The following THSD7A variants were observed in gnomAD, a reference collection of about 807,000 sequenced individuals.
The protein encoded by THSD7A is thrombospondin type 1 domain containing 7A.
In THSD7A, 96 loss-of-function variants were observed where a neutral mutation model predicts 231.3. That is an observed-to-expected ratio of 0.41 (90% CI 0.35 to 0.49). The LOEUF (loss-of-function observed/expected upper bound fraction) is 0.49, where lower values mean the gene tolerates loss of function less well. Ranked by LOEUF, THSD7A falls within the 20% of genes least tolerant of loss-of-function variation. The probability of loss-of-function intolerance (pLI) is 0.05; values close to 1 mark genes in which losing one functional copy is unlikely to be tolerated. For missense variants in THSD7A, 2,290 were observed against 2,070.2 expected, an observed-to-expected ratio of 1.11 and a Z score of -2.06; for synonymous variants, 940 against 743.3, an observed-to-expected ratio of 1.26 and a Z score of -4.30.
intron 13 of THSD7A, among the ~76,000 whole-genome samples, chr7:11,436,129 T>A (rs1374517610): frequency 3.9e-5 from 6 of 152,068 alleles, no homozygotes; most frequent in African/African-American, 1.4e-4. Flanking sequence ...TTAACTAACA[T>A]GATGTTGAAA....
chr7:11,604,457 G>C (rs923913344), intron 2 of THSD7A, among the ~76,000 whole-genome samples: 3 of 151,994 alleles, frequency 2.0e-5, no homozygotes, highest in African/African-American at 7.3e-5. Context: ...GTTACTGCCA[G>C]GAACTATTCT....
chr7:11,749,769 T>C (rs1782438881), intron 1 of THSD7A, among the ~76,000 whole-genome samples: 1 of 152,000 alleles, frequency 6.6e-6, no homozygotes, highest in South Asian at 2.1e-4. Flanking sequence ...AATCACAATG[T>C]AAATTTTGAT....
intron 4 of THSD7A, among the ~76,000 whole-genome samples, chr7:11,563,914 G>A (rs759920336): frequency 9.2e-5 from 14 of 152,054 alleles, no homozygotes; most frequent in Admixed American, 5.2e-4. Flanking sequence ...TTGAATTGTG[G>A]TGAGGTCACA....
At chr7:11,454,246 G>A (rs939420383) in intron 11 of THSD7A, among the ~76,000 whole-genome samples, 31 of 151,892 alleles carry the variant, frequency 2.0e-4, no homozygotes, top group Admixed American at 8.6e-4. Flanking sequence ...TTGCCAAATC[G>A]TGTCAATGTC....
intron 1 of THSD7A, among the ~76,000 whole-genome samples, chr7:11,686,836 G>C (rs2128140796): frequency 6.6e-6 from 1 of 151,826 alleles, no homozygotes; most frequent in Non-Finnish European, 1.5e-5. Context: ...CACTAGATGG[G>C]GGAAAGGGTT....
chr7:11,711,602 A>G (rs1441783783), intron 1 of THSD7A, among the ~76,000 whole-genome samples: 2 of 151,122 alleles, frequency 1.3e-5, no homozygotes, highest in Non-Finnish European at 3.0e-5. Context: ...GAGATGATGA[A>G]GGTGAACCTA....
chr7:11,813,199 C>T lies in THSD7A; in HGVS notation c.190+18558G>A, dbSNP rs539086749. ...TTTCTTTATTGAAGACTTCACTATG[C>T]GATCAGATTAAAAACTTGTTGGCAT... On this transcript the variant is annotated intron_variant, in intron 1 of 27. Coordinates refer to ENST00000423059, the MANE Select transcript of THSD7A (RefSeq NM_015204.3). Among the ~76,000 whole-genome samples the T allele has an allele frequency of 3.7e-4, 56 of 152,172 alleles. 1 individual carries two copies. The South Asian group carries it at 8.9e-3, about 24-fold the overall frequency.
intron 6 of THSD7A, among the ~76,000 whole-genome samples, chr7:11,515,569 C>G (rs191180924): frequency 1.3e-5 from 2 of 152,142 alleles, no homozygotes; most frequent in East Asian, 1.9e-4. Context: ...ATGAAAATAA[C>G]TCATTGCATC....
intron 13 of THSD7A, among the ~76,000 whole-genome samples, chr7:11,443,679 T>C (rs1784874643): frequency 6.6e-6 from 1 of 152,020 alleles, no homozygotes; most frequent in Admixed American, 6.6e-5. Context: ...GGAGATTGAT[T>C]GCCCAACAAC....
At chr7:11,488,174 A>T (rs1786738834) in intron 6 of THSD7A, among the ~76,000 whole-genome samples, 1 of 152,142 alleles carries the variant, frequency 6.6e-6, no homozygotes, top group East Asian at 1.9e-4. Flanking sequence ...TCTATACAAA[A>T]TCCGGAGTAA....
intron 4 of THSD7A, among the ~76,000 whole-genome samples, chr7:11,571,792 ATGTAT>A (rs75691762): frequency 0.011 from 1,620 of 151,552 alleles, 6 homozygotes; most frequent in Middle Eastern, 0.034. Context: ...ATTCACATGT[ATGTAT>A]TGTATCTTTT....
intron 1 of THSD7A, among the ~76,000 whole-genome samples, chr7:11,729,447 G>T (rs1176317282): frequency 6.6e-6 from 1 of 151,720 alleles, no homozygotes; most frequent in African/African-American, 2.4e-5. Flanking sequence ...ATGCAGGAGA[G>T]AAACTGAAGC....
chr7:11,550,639 A>G (rs982251078), intron 4 of THSD7A, among the ~76,000 whole-genome samples: 10 of 152,128 alleles, frequency 6.6e-5, no homozygotes, highest in African/African-American at 2.4e-4. Context: ...AGGCCTTCCC[A>G]GCGATGTGGA....
At chr7:11,535,298 T>C (rs903446565) in intron 6 of THSD7A, among the ~76,000 whole-genome samples, 4 of 152,118 alleles carry the variant, frequency 2.6e-5, no homozygotes, top group African/African-American at 9.6e-5. Flanking sequence ...TTTACTAAGA[T>C]ATCCAAGTGT....
chr7:11,774,460 G>A (rs1426755567), intron 1 of THSD7A, among the ~76,000 whole-genome samples: 1 of 150,298 alleles, frequency 6.7e-6, no homozygotes, highest in Non-Finnish European at 1.5e-5. Flanking sequence ...AATATGTTAA[G>A]GGGTTAGGTC....
rs1208265601 is a variant in THSD7A, at chr7:11,510,946, G to A, written c.1823-28964C>T. ...AAGTTCTGGCCAGGGCAATCAGGCA[G>A]GAGCAACAAATAAAGGGTATTCAAT... On this transcript the variant is annotated intron_variant, in intron 6 of 27. Coordinates refer to ENST00000423059, the MANE Select transcript of THSD7A (RefSeq NM_015204.3). 6.6e-5 allele frequency among the ~76,000 whole-genome samples: 10 copies of A among 152,020 alleles called. No homozygotes were observed. The East Asian group carries it at 1.7e-3, about 27-fold the overall frequency.
intron 1 of THSD7A, among the ~76,000 whole-genome samples, chr7:11,710,276 AAAAAG>A (rs1201806307): frequency 6.6e-6 from 1 of 150,684 alleles, no homozygotes; most frequent in Admixed American, 6.6e-5. Flanking sequence ...CAAGAAAAAA[AAAAAG>A]AAAAGAAAAT....
chr7:11,787,846 T>C (rs1161640923), intron 1 of THSD7A, among the ~76,000 whole-genome samples: 1 of 152,062 alleles, frequency 6.6e-6, no homozygotes, highest in Non-Finnish European at 1.5e-5. Flanking sequence ...ATGGACACTT[T>C]CTTACAAAAC....
intron 1 of THSD7A, among the ~76,000 whole-genome samples, chr7:11,748,506 G>A (rs1782388185): frequency 6.6e-6 from 1 of 151,918 alleles, no homozygotes; most frequent in South Asian, 2.1e-4. Flanking sequence ...ATATTTTAAA[G>A]ATACATGTAT....
Sources: allele counts gnomAD v4.1 joint callset (sites outside exome capture counted in the v4.1 genomes callset), GRCh38; gene constraint gnomAD v4.1.1; transcripts MANE v1.5; gene names NCBI Gene and HGNC (gene_info 2026-07-23, HGNC 2026-07-21).